Variants in GRM5 observed in about 807,000 individuals in gnomAD.
GRM5 encodes the protein metabotropic glutamate receptor 5.
GRM5 carries 19 observed loss-of-function variants against 83.1 expected under a neutral mutation model. The ratio of observed to expected loss-of-function variants is 0.23; its 90% CI spans 0.16 to 0.34. GRM5 has a LOEUF of 0.34. GRM5 is among the 10% of genes least tolerant of loss of function. The probability of loss-of-function intolerance (pLI) is 1.00; values close to 1 mark genes in which losing one functional copy is unlikely to be tolerated. For synonymous variants in GRM5, 675 were observed against 633.6 expected (o/e 1.07, Z -0.98); for missense variants, 1,160 against 1,588.3 (o/e 0.73, Z 4.58).
intron 4 of GRM5, among the ~76,000 whole-genome samples, chr11:88,632,163 A>C (rs928851050): frequency 2.6e-5 from 4 of 151,386 alleles, no homozygotes; most frequent in African/African-American, 9.7e-5. Flanking sequence ...TCCCATCCCC[A>C]GGCAACCACT....
chr11:88,646,530 A>G (rs11020775), intron 4 of GRM5, among the ~76,000 whole-genome samples: 103,216 of 151,368 alleles, frequency 0.68, 41,163 homozygotes, highest in Non-Finnish European at 0.9. Flanking sequence ...AACACTTTAG[A>G]CATTGTAAGT....
chr11:88,852,895 G>GA (rs1197027189), intron 2 of GRM5, among the ~76,000 whole-genome samples: 1 of 151,762 alleles, frequency 6.6e-6, no homozygotes, highest in Non-Finnish European at 1.5e-5. Context: ...TTAAAATAAT[G>GA]AAAAAATGCA....
At chr11:88,656,931 T>C (rs927665641) in intron 3 of GRM5, among the ~76,000 whole-genome samples, 1 of 152,136 alleles carries the variant, frequency 6.6e-6, no homozygotes, top group Admixed American at 6.6e-5. Context: ...ATAAGAGACC[T>C]GAGCATCTTT....
intron 3 of GRM5, among the ~76,000 whole-genome samples, chr11:88,661,030 G>A (rs1359666818): frequency 6.6e-6 from 1 of 152,152 alleles, no homozygotes; most frequent in East Asian, 1.9e-4. Flanking sequence ...TGTGGATATA[G>A]TGGTGAACAA....
chr11:88,880,948 GT>G (rs1944941769), intron 2 of GRM5, among the ~76,000 whole-genome samples: 1 of 152,068 alleles, frequency 6.6e-6, no homozygotes, highest in Non-Finnish European at 1.5e-5. Flanking sequence ...AAATTAAATA[GT>G]TAATATAGGT....
chr11:88,509,221 C>A lies in GRM5; in HGVS notation c.3010G>T (p.Ala1004Ser). The change falls in exon 10 of 10, where the codon GCC becomes TCC. Residue 1004 changes from alanine (A) to serine (S), a missense_variant. Ala to Ser is a moderately conservative substitution (Grantham distance 99, BLOSUM62 1). Coordinates refer to ENST00000305447, the MANE Select transcript of GRM5 (RefSeq NM_001143831.3). ...DAGPKALYDVAEAEEHFPAPA... is the reference protein window; with the variant it reads ...DAGPKALYDVSEAEEHFPAPA... ...GCCGGGAAGTGCTCCTCAGCCTCGG[C>A]CACATCATACAGCGCCTTGGGGCCG... is the stretch of plus-strand genomic sequence containing the variant. 1 of 1,529,242 alleles carries A rather than the reference C, an allele frequency of 6.5e-7. No individual in the cohort carries two copies. Among genetic ancestry groups the A allele is most frequent in the Non-Finnish European group, 8.8e-7 (1 of 1,140,366 alleles). The allele number at this position is 1,529,242 out of a possible 1,614,324, so 94.7% of individuals were successfully genotyped here.
At chr11:88,787,238 G>C (rs948643806) in intron 3 of GRM5, among the ~76,000 whole-genome samples, 2 of 151,022 alleles carry the variant, frequency 1.3e-5, no homozygotes, top group Middle Eastern at 3.4e-3. Context: ...CGACATCCAA[G>C]CATCACTCAT....
intron 2 of GRM5, among the ~76,000 whole-genome samples, chr11:88,973,338 A>G (rs900477491): frequency 3.3e-5 from 5 of 152,194 alleles, no homozygotes; most frequent in Admixed American, 2.6e-4. Context: ...AAGTGTTGTC[A>G]TATAACAAAT....
intron 3 of GRM5, among the ~76,000 whole-genome samples, chr11:88,781,127 G>GTA (rs59273026): frequency 1.3e-3 from 183 of 145,408 alleles, no homozygotes; most frequent in African/African-American, 3.1e-3. Context: ...ACATATATAT[G>GTA]TATATATATA....
chr11:88,507,429 G>A lies in GRM5; in HGVS notation c.*1163C>T, dbSNP rs994633248. On this transcript the variant is annotated 3_prime_UTR_variant, in exon 10 of 10. Coordinates refer to ENST00000305447, the MANE Select transcript of GRM5 (RefSeq NM_001143831.3). The stretch of plus-strand genomic sequence containing the variant: ...ACTGGCATAGCTAAATCTCCACTAA[G>A]CTGACTTGACACAGTTAAAATTTTC... 50 of 152,266 alleles carry A rather than the reference G, an allele frequency of 3.3e-4. 1 individual carries two copies. The highest frequency in any genetic ancestry group is 1.1e-3 in the African/African-American group (47 of 41,558). The allele number at this position is 152,266 out of a possible 1,614,324, so 9.4% of individuals were successfully genotyped here.
chr11:88,716,650 T>C (rs35719681), intron 3 of GRM5, among the ~76,000 whole-genome samples: 11,447 of 151,964 alleles, frequency 0.075, 752 homozygotes, highest in African/African-American at 0.17. Context: ...CCAAATACTG[T>C]AAAGTGGCTT....
intron 4 of GRM5, among the ~76,000 whole-genome samples, chr11:88,631,256 C>G (rs534057440): frequency 6.6e-6 from 1 of 152,152 alleles, no homozygotes; most frequent in Admixed American, 6.5e-5. Context: ...AAAACACCTA[C>G]ATGCATATGA....
intron 3 of GRM5, among the ~76,000 whole-genome samples, chr11:88,808,013 T>C (rs1436740569): frequency 6.6e-6 from 1 of 152,052 alleles, no homozygotes; most frequent in Non-Finnish European, 1.5e-5. Flanking sequence ...AATATTCATT[T>C]ATAAATTTCT....
At chr11:88,607,251 C>T (rs1938179028) in intron 4 of GRM5, among the ~76,000 whole-genome samples, 2 of 152,190 alleles carry the variant, frequency 1.3e-5, no homozygotes, top group African/African-American at 4.8e-5. Context: ...TTTTACCTCA[C>T]ACTGCTGGAA....
intron 8 of GRM5, among the ~76,000 whole-genome samples, chr11:88,560,907 G>A (rs1942739954): frequency 6.6e-6 from 1 of 152,176 alleles, no homozygotes; most frequent in Admixed American, 6.5e-5. Context: ...AGAGTGATAT[G>A]TGTGAAATAT....
chr11:88,768,270 G>A (rs1424206887), intron 3 of GRM5, among the ~76,000 whole-genome samples: 1 of 151,972 alleles, frequency 6.6e-6, no homozygotes, highest in Non-Finnish European at 1.5e-5. Flanking sequence ...ACCTTAAAAA[G>A]AAGGAATTTC....
Position 88,558,249 on chromosome 11 carries a change from T to A in GRM5, c.2630+8804A>T, listed in dbSNP as rs75047571. Among the ~76,000 whole-genome samples the A allele has an allele frequency of 4.3e-3, 655 of 152,236 alleles. 5 individuals carry two copies. Among genetic ancestry groups the A allele is most frequent in the African/African-American group, 0.015 (626 of 41,542 alleles). The stretch of plus-strand genomic sequence containing the variant: ...GGCACTCTCTCCAAAGAAAAGTAAC[T>A]ATATCAGGGTTTGTGACTCAGCTCT... On this transcript the variant is annotated intron_variant, in intron 8 of 9. Transcript: ENST00000305447.
intron 8 of GRM5, among the ~76,000 whole-genome samples, chr11:88,549,347 T>C (rs569648382): frequency 6.6e-6 from 1 of 151,386 alleles, no homozygotes; most frequent in South Asian, 2.1e-4. Flanking sequence ...CACCTGTGGT[T>C]CCATTTACTT....
intron 3 of GRM5, among the ~76,000 whole-genome samples, chr11:88,837,759 T>A (rs183203081): frequency 7.0e-4 from 107 of 152,218 alleles, no homozygotes; most frequent in Middle Eastern, 3.4e-3. Context: ...CATTTCAGCT[T>A]ATATCTAGCA....
Sources: gnomAD v4.1 joint callset for allele counts (sites outside exome capture counted in the v4.1 genomes callset) on GRCh38, gnomAD v4.1.1 for gene constraint, MANE v1.5 for transcripts, NCBI Gene and HGNC (gene_info 2026-07-23, HGNC 2026-07-21) for gene names.